DDAH1: variants seen among roughly 807,000 people sequenced by gnomAD.
DDAH1 encodes dimethylarginine dimethylaminohydrolase 1.
A neutral mutation model predicts 28.8 loss-of-function variants in DDAH1; 19 were observed. The observed-to-expected ratio is 0.66, with a 90% confidence interval of 0.46 to 0.97. The LOEUF is 0.97. DDAH1 is among the 50% of genes least tolerant of loss of function. DDAH1 has a pLI of 0.00. For missense variants in DDAH1, 326 were observed against 375.9 expected, an observed-to-expected ratio of 0.87 and a Z score of 1.10; for synonymous variants, 153 against 154.4, an observed-to-expected ratio of 0.99 and a Z score of 0.07.
At chr1:85,361,606 C>T (rs1015283030) in intron 1 of DDAH1, among the ~76,000 whole-genome samples, 8 of 152,198 alleles carry the variant, frequency 5.3e-5, no homozygotes, top group Non-Finnish European at 1.0e-4. Flanking sequence ...CAGTAATTTT[C>T]ATTCTTTACT....
At chr1:85,452,647 A>C (rs1654717150) in intron 1 of DDAH1, among the ~76,000 whole-genome samples, 1 of 152,164 alleles carries the variant, frequency 6.6e-6, no homozygotes, top group Admixed American at 6.5e-5. Context: ...ACAAACTCAT[A>C]GTGTTATAGG....
At chr1:85,376,740 A>C (rs1650689415) in intron 1 of DDAH1, 1 of 150,258 alleles carries the variant, frequency 6.7e-6, no homozygotes, top group East Asian at 2.0e-4. Context: ...TAGGCAAAAT[A>C]AAGTGTTTTT....
intron 4 of DDAH1, among the ~76,000 whole-genome samples, chr1:85,343,785 C>T (rs924005713): frequency 1.3e-5 from 2 of 152,186 alleles, no homozygotes; most frequent in African/African-American, 2.4e-5. Context: ...AATCCAAACA[C>T]ATTAAGGGTT....
intron 2 of DDAH1, among the ~76,000 whole-genome samples, chr1:85,475,791 T>C (rs1054728893): frequency 2.6e-5 from 4 of 152,288 alleles, no homozygotes; most frequent in Non-Finnish European, 4.4e-5. Flanking sequence ...AGCCTCACTG[T>C]CCCTATTACC....
chr1:85,440,970 C>T (rs901903759), intron 1 of DDAH1, among the ~76,000 whole-genome samples: 2 of 152,234 alleles, frequency 1.3e-5, no homozygotes, highest in Non-Finnish European at 2.9e-5. Context: ...ATTCACAAGG[C>T]TCAATGGCAT....
chr1:85,485,750 A>C (rs2100722160), intron 2 of DDAH1, among the ~76,000 whole-genome samples: 1 of 152,326 alleles, frequency 6.6e-6, no homozygotes, highest in African/African-American at 2.4e-5. Flanking sequence ...TAGGACAATT[A>C]AAGTCAATGG....
At chr1:85,536,948 C>G (rs4596948) in intron 1 of DDAH1, among the ~76,000 whole-genome samples, 1 of 91,824 alleles carries the variant, frequency 1.1e-5, no homozygotes, top group African/African-American at 4.0e-5. Flanking sequence ...GAAAATGTGG[C>G]ATATATATAT....
At chr1:85,436,309 C>A (rs1251639079) in intron 1 of DDAH1, among the ~76,000 whole-genome samples, 1 of 151,596 alleles carries the variant, frequency 6.6e-6, no homozygotes, top group Non-Finnish European at 1.5e-5. Flanking sequence ...AATAGAAATA[C>A]TTTCATGCTT....
chr1:85,451,221 G>A (rs1570561495), intron 1 of DDAH1, among the ~76,000 whole-genome samples: 1 of 152,330 alleles, frequency 6.6e-6, no homozygotes, highest in African/African-American at 2.4e-5. Flanking sequence ...CAGGCCACAG[G>A]TGGTCTGGCC....
At chr1:85,577,128 A>AGGGGGTGGCCGGCC (rs1659633688) in intron 1 of DDAH1, among the ~76,000 whole-genome samples, 3 of 152,190 alleles carry the variant, frequency 2.0e-5, no homozygotes, top group Admixed American at 2.0e-4. Context: ...GGTGGCCGGC[A>AGGGGGTGGCCGGCC]GGGGGCGGCG....
At chr1:85,428,272 A>G (rs12131926) in intron 1 of DDAH1, among the ~76,000 whole-genome samples, 27,291 of 152,200 alleles carry the variant, frequency 0.18, 2,866 homozygotes, top group East Asian at 0.27. Context: ...TTTACAAAGG[A>G]AAGAGGTTTA....
At chr1:85,576,099 A>AG (rs1045965053) in intron 1 of DDAH1, among the ~76,000 whole-genome samples, 24 of 151,812 alleles carry the variant, frequency 1.6e-4, no homozygotes, top group Non-Finnish European at 2.9e-4. Context: ...AAAGAAAAAA[A>AG]AAAGAAAATG....
At chr1:85,574,087 G>C (rs80121359) in intron 1 of DDAH1, among the ~76,000 whole-genome samples, 5,839 of 152,272 alleles carry the variant, frequency 0.038, 411 homozygotes, top group African/African-American at 0.13. Flanking sequence ...CAGATCTCTA[G>C]TATCTCTTTT....
intron 1 of DDAH1, among the ~76,000 whole-genome samples, chr1:85,402,399 A>G (rs2100579597): frequency 6.6e-6 from 1 of 152,246 alleles, no homozygotes; most frequent in South Asian, 2.1e-4. Flanking sequence ...TTTCAACTAT[A>G]GCAAATAAGG....
intron 1 of DDAH1, among the ~76,000 whole-genome samples, chr1:85,392,112 G>A (rs1486921424): frequency 2.0e-5 from 3 of 151,674 alleles, no homozygotes; most frequent in Non-Finnish European, 4.4e-5. Context: ...TTTGTTTTTG[G>A]CTTAAGCAAC....
chr1:85,465,041 G>C lies in DDAH1; in HGVS notation c.5C>G (p.Ala2Gly). The change falls in exon 1 of 6, where the codon GCC (alanine) becomes GGC (glycine). Residue 2 changes from alanine to glycine, a missense_variant. Physicochemically the swap from Ala to Gly is moderately conservative, Grantham distance 60. Coordinates refer to ENST00000284031, the MANE Select transcript of DDAH1 (RefSeq NM_012137.4). Reference protein sequence around the residue: MAGLGHPAAFGR... With the variant: MGGLGHPAAFGR... ...GAAGGCGGCGGGGTGGCCGAGCCCG[G>C]CCATGGCTTCGGGAGGCTTAGGGGC... 1.5e-6 allele frequency: 2 copies of C among 1,310,574 alleles called. No homozygotes were observed. Among genetic ancestry groups the C allele is most frequent in the Non-Finnish European group, 9.7e-7 (1 of 1,032,908 alleles). The allele number at this position is 1,310,574 out of a possible 1,614,324, so 81.2% of individuals were successfully genotyped here.
Position 85,324,783 on chromosome 1 carries a change from A to G in DDAH1, c.698T>C (p.Val233Ala). 6.2e-7 allele frequency: 1 copy of G among 1,614,114 alleles called. No homozygotes were observed. Among genetic ancestry groups the G allele is most frequent in the Non-Finnish European group, 8.5e-7 (1 of 1,180,010 alleles). ...CTCTTCCGGGGTTCGGTGCAGCAAG[A>G]CGTGCCCTTTGTTGGGGATATTTAG... ...IYLNIPNKGH[V>A]LLHRTPEEYP... is the part of the protein sequence containing the mutation. Residue 233 changes from valine (V) to alanine (A), a missense_variant, in exon 5 of 6, where the codon GTC becomes GCC. Coordinates refer to ENST00000284031, the MANE Select transcript of DDAH1 (RefSeq NM_012137.4).
chr1:85,381,741 G>A (rs754249739), intron 1 of DDAH1, among the ~76,000 whole-genome samples: 4 of 151,442 alleles, frequency 2.6e-5, no homozygotes, highest in Non-Finnish European at 5.9e-5. Flanking sequence ...ACAAATTGAA[G>A]GTTTGTAGCA....
At chr1:85,341,081 A>AGG (rs1648446700) in intron 4 of DDAH1, among the ~76,000 whole-genome samples, 1 of 152,150 alleles carries the variant, frequency 6.6e-6, no homozygotes, top group Admixed American at 6.5e-5. Context: ...TGAACCATTT[A>AGG]TTAGCCACTT....
Sources: gnomAD v4.1 joint callset for allele counts (sites outside exome capture counted in the v4.1 genomes callset) on GRCh38, gnomAD v4.1.1 for gene constraint, MANE v1.5 for transcripts, NCBI Gene and HGNC (gene_info 2026-07-23, HGNC 2026-07-21) for gene names.